Variants in PLET1 observed in about 807,000 individuals in gnomAD.
PLET1 encodes the protein placenta-expressed transcript 1 protein.
In PLET1, 20 loss-of-function variants were observed where a neutral mutation model predicts 18.5. That is an observed-to-expected ratio of 1.08 (90% CI 0.76 to 1.57). The LOEUF is 1.57. Among genes scored for constraint, PLET1 ranks in the 40% most tolerant of loss-of-function variants. The pLI, the probability that PLET1 is intolerant of heterozygous loss-of-function variation, is 0.00. For missense variants in PLET1, 256 were observed against 246.4 expected (o/e 1.04, Z -0.26); for synonymous variants, 93 against 93.8 (o/e 0.99, Z 0.05).
In PLET1 at chr11:112,260,730, G is replaced by T; in HGVS notation, c.-141C>A. On this transcript the variant is annotated 5_prime_UTR_variant, in exon 1 of 4. Coordinates refer to ENST00000338832, the MANE Select transcript of PLET1 (RefSeq NM_001145024.1). The stretch of plus-strand genomic sequence containing the variant: ...CCCTTCTGAATATACATTGGATTCT[G>T]GAATTTGGCCCAAGACATCACCAGG... 1 of 729,010 alleles carries T rather than the reference G, an allele frequency of 1.4e-6. No homozygotes were observed. The allele number at this position is 729,010 out of a possible 1,614,324, so 45.2% of individuals were successfully genotyped here. A position where few individuals can be genotyped will look rare whatever the true frequency, so the allele number is the denominator to read the frequency against.
At chr11:112,253,278 C>T (rs1439286684) in intron 2 of PLET1, among the ~76,000 whole-genome samples, 1 of 152,022 alleles carries the variant, frequency 6.6e-6, no homozygotes, top group Non-Finnish European at 1.5e-5. Flanking sequence ...TCCCTAACCT[C>T]GCCTCCCTAA....
chr11:112,252,935 A>G (rs1400865195), intron 2 of PLET1, among the ~76,000 whole-genome samples: 4 of 152,170 alleles, frequency 2.6e-5, no homozygotes, highest in Non-Finnish European at 4.4e-5. Flanking sequence ...TATCCTATCA[A>G]TAAACCCATT....
chr11:112,252,678 CT>C (rs1358577363), intron 2 of PLET1, among the ~76,000 whole-genome samples: 1 of 152,196 alleles, frequency 6.6e-6, no homozygotes, highest in East Asian at 1.9e-4. Context: ...TACCTCTGGT[CT>C]TTGTTCAAGC....
At chr11:112,254,358 G>A (rs2135417391) in intron 2 of PLET1, among the ~76,000 whole-genome samples, 1 of 143,742 alleles carries the variant, frequency 7.0e-6, no homozygotes, top group Admixed American at 7.0e-5. Context: ...TGTGGTATTT[G>A]TATGGTGTGT....
chr11:112,257,050 A>G (rs1195207899), intron 1 of PLET1, among the ~76,000 whole-genome samples: 1 of 152,220 alleles, frequency 6.6e-6, no homozygotes, highest in Non-Finnish European at 1.5e-5. Flanking sequence ...CTCCTGTCCA[A>G]ACCTTCAAAG....
At chr11:112,260,294 A>G (rs1860273353) in intron 1 of PLET1, 112 bp downstream of exon 1, 6 of 1,107,082 alleles carry the variant, frequency 5.4e-6, no homozygotes, top group Non-Finnish European at 7.6e-6. Flanking sequence ...CATTTGGTTC[A>G]GAAGACACAT....
chr11:112,255,164 TGTGA>T (rs1304740970), intron 2 of PLET1, among the ~76,000 whole-genome samples: 15 of 148,088 alleles, frequency 1.0e-4, no homozygotes, highest in African/African-American at 3.0e-4. Flanking sequence ...GTGTATGTGG[TGTGA>T]GTGTGTGTGT....
At chr11:112,250,329 AG>A (rs1195528675) in intron 3 of PLET1, among the ~76,000 whole-genome samples, 1 of 147,828 alleles carries the variant, frequency 6.8e-6, no homozygotes, top group African/African-American at 2.5e-5. Context: ...TCTTGCAACT[AG>A]CAAGCACATT....
rs894326163 is a variant in PLET1, at chr11:112,252,301, G to C, written c.448+47C>G. ...AACCCACAAGGTAATTTTCCAGGCT[G>C]ACTGAGTTCATTGCAAGACTTGCAA... On this transcript the variant is annotated intron_variant, in intron 3 of 3. Coordinates refer to ENST00000338832, the MANE Select transcript of PLET1 (RefSeq NM_001145024.1). 8 of 1,496,146 alleles carry C rather than the reference G, an allele frequency of 5.3e-6. No individual in the cohort carries two copies. In the African/African-American group the frequency reaches 1.1e-4, roughly 21 times the overall value. The allele number at this position is 1,496,146 out of a possible 1,614,324, so 92.7% of individuals were successfully genotyped here. A position where few individuals can be genotyped will look rare whatever the true frequency, so the allele number is the denominator to read the frequency against.
chr11:112,259,443 T>A (rs1052537786), intron 1 of PLET1, among the ~76,000 whole-genome samples: 8 of 152,204 alleles, frequency 5.3e-5, no homozygotes, highest in African/African-American at 1.7e-4. Context: ...GAAAGCATAT[T>A]CCTTGACTTT....
rs368808443 is a variant in PLET1, at chr11:112,255,546, T to C, written c.228A>G (p.Lys76=). The change falls in exon 2 of 4, where the codon AAA becomes AAG. Residue 76 remains lysine (K), a synonymous_variant. Transcript: ENST00000338832. ...CTGAGTCACTGTTCTCGTCCAAGGT[T>C]TTCATGACCACAGCATAGACGCTGT... ...VNDSVYAVVM[K]TLDENSDSAG... 2.7e-5 allele frequency: 42 copies of C among 1,551,504 alleles called. 1 individual carries two copies. In the South Asian group the frequency reaches 5.0e-4, roughly 18 times the overall value.
At chr11:112,259,592 C>T (rs1270767922) in intron 1 of PLET1, among the ~76,000 whole-genome samples, 1 of 152,158 alleles carries the variant, frequency 6.6e-6, no homozygotes, top group Non-Finnish European at 1.5e-5. Context: ...CTGGGCAGGT[C>T]ATTTAATTTC....
intron 2 of PLET1, among the ~76,000 whole-genome samples, chr11:112,255,055 T>C (rs1348656784): frequency 4.1e-5 from 4 of 97,902 alleles, no homozygotes; most frequent in Non-Finnish European, 8.2e-5. Context: ...GTGCGTGTGG[T>C]ATGTGTGTGT....
In PLET1 at chr11:112,260,747, A is replaced by G. The variant is rs1860280606; in HGVS notation, c.-158T>C. 4 of 631,502 alleles carry G rather than the reference A, an allele frequency of 6.3e-6. No individual in the cohort carries two copies. The highest frequency in any genetic ancestry group is 2.2e-5 in the South Asian group (1 of 44,818). 39.1% of individuals were successfully genotyped at this position (631,502 alleles called of 1,614,324 possible). ...TGGATTCTGGAATTTGGCCCAAGAC[A>G]TCACCAGGAATGAATCACCAGTCAC... is the stretch of plus-strand genomic sequence containing the variant. On this transcript the variant is annotated 5_prime_UTR_variant, in exon 1 of 4. It removes an upstream start codon present in the reference 5' UTR. Transcript: ENST00000338832.
intron 1 of PLET1, among the ~76,000 whole-genome samples, chr11:112,258,976 A>G (rs546553692): frequency 1.8e-4 from 27 of 152,386 alleles, no homozygotes; most frequent in Middle Eastern, 6.8e-3. Context: ...TAGACTTTTA[A>G]GAAAGGCAGA....
At chr11:112,258,498 G>T (rs1005678480) in intron 1 of PLET1, among the ~76,000 whole-genome samples, 4 of 151,946 alleles carry the variant, frequency 2.6e-5, no homozygotes, top group Admixed American at 2.0e-4. Context: ...TGCTCAGTCT[G>T]GTCTCGAACT....
intron 1 of PLET1, among the ~76,000 whole-genome samples, chr11:112,257,391 G>A (rs1171717223): frequency 7.1e-6 from 1 of 140,354 alleles, no homozygotes; most frequent in African/African-American, 2.6e-5. Flanking sequence ...TTTTTAAACT[G>A]TTGCATTCTT....
At chr11:112,252,820 C>T (rs917905162) in intron 2 of PLET1, among the ~76,000 whole-genome samples, 2 of 152,182 alleles carry the variant, frequency 1.3e-5, no homozygotes, top group African/African-American at 4.8e-5. Flanking sequence ...TTGCTAGGAG[C>T]CTCTGTCCCC....
Position 112,260,586 on chromosome 11 carries a change from C to T in PLET1, c.4G>A (p.Ala2Thr), listed in dbSNP as rs1292970871. M[A>T]VFHDMLLQPL... ...TGCAGCAGCATGTCATGGAAGACTG[C>T]CATGGTCTCAGTCTGTTTGGAAAGT... Residue 2 changes from alanine (A) to threonine (T), a missense_variant, in exon 1 of 4, where the codon GCA becomes ACA. Coordinates refer to ENST00000338832, the MANE Select transcript of PLET1 (RefSeq NM_001145024.1). 3.9e-6 allele frequency: 6 copies of T among 1,550,270 alleles called. No homozygotes were observed. The Admixed American group carries it at 1.2e-4, about 30-fold the overall frequency.
Sources: allele counts gnomAD v4.1 joint callset (sites outside exome capture counted in the v4.1 genomes callset), GRCh38; gene constraint gnomAD v4.1.1; transcripts MANE v1.5; gene names NCBI Gene and HGNC (gene_info 2026-07-23, HGNC 2026-07-21).